Variants in SUPT3H observed in about 807,000 individuals in gnomAD.
SUPT3H encodes transcription initiation protein SPT3 homolog.
In SUPT3H, 44 loss-of-function variants were observed where a neutral mutation model predicts 44.3. The observed-to-expected ratio is 0.99, with a 90% confidence interval of 0.78 to 1.28. SUPT3H has a LOEUF of 1.28. Ranked by LOEUF, SUPT3H falls within the 50% of genes most tolerant of loss-of-function variation. The pLI is 0.00. For missense variants in SUPT3H, 380 were observed against 387.1 expected, an observed-to-expected ratio of 0.98 and a Z score of 0.15; for synonymous variants, 124 against 125.6, an observed-to-expected ratio of 0.99 and a Z score of 0.09.
At position 45,340,643 on chromosome 6, in the gene SUPT3H, GAA is replaced by G. The variant is rs776564679; in HGVS notation, c.101+24556_101+24557del. ...CTGGCCTTTAGGTCGAGTTTGATCAGAAAAAAAAAGTTTCAAGGAATTAGATA... is the reference window on the plus strand; with the variant it reads ...CTGGCCTTTAGGTCGAGTTTGATCAGAAAAAAAGTTTCAAGGAATTAGATA... On this transcript the variant is annotated intron_variant, in intron 2 of 10. Transcript: ENST00000371459. Among the ~76,000 whole-genome samples, 3 of 149,566 alleles carry G rather than the reference GAA, an allele frequency of 2.0e-5. No homozygotes were observed. In the East Asian group the frequency reaches 5.9e-4, roughly 29 times the overall value.
At chr6:44,893,987 T>G (rs1433278781) in intron 10 of SUPT3H, among the ~76,000 whole-genome samples, 10 of 141,320 alleles carry the variant, frequency 7.1e-5, no homozygotes, top group East Asian at 2.1e-4. Context: ...GGTGAGCATT[T>G]TTTCATGTGT....
chr6:45,176,545 A>G (rs1420651354), intron 2 of SUPT3H, among the ~76,000 whole-genome samples: 6 of 152,074 alleles, frequency 3.9e-5, no homozygotes, highest in East Asian at 1.9e-4. Flanking sequence ...CAAAGCAGCC[A>G]GGAAGCTCGA....
chr6:44,887,434 C>T (rs1762504639), intron 10 of SUPT3H, among the ~76,000 whole-genome samples: 1 of 152,164 alleles, frequency 6.6e-6, no homozygotes, highest in Non-Finnish European at 1.5e-5. Flanking sequence ...GACCACAGTG[C>T]AATCAAACTA....
chr6:45,193,642 G>A (rs1271030523), intron 2 of SUPT3H, among the ~76,000 whole-genome samples: 1 of 152,096 alleles, frequency 6.6e-6, no homozygotes, highest in Non-Finnish European at 1.5e-5. Flanking sequence ...CTTGAACCCG[G>A]GAGGCAGGGT....
At chr6:45,175,156 G>C (rs1490377095) in intron 2 of SUPT3H, among the ~76,000 whole-genome samples, 2 of 149,270 alleles carry the variant, frequency 1.3e-5, no homozygotes, top group Non-Finnish European at 3.0e-5. Context: ...TTATTTGTTT[G>C]TATATATATA....
chr6:44,872,662 T>C (rs1034735405), intron 10 of SUPT3H, among the ~76,000 whole-genome samples: 2 of 114,478 alleles, frequency 1.7e-5, no homozygotes, highest in African/African-American at 6.2e-5. Context: ...TAACTTTAAA[T>C]ATAAATGGAC....
At chr6:45,186,893 C>T (rs1814303060) in intron 2 of SUPT3H, among the ~76,000 whole-genome samples, 1 of 152,004 alleles carries the variant, frequency 6.6e-6, no homozygotes, top group Non-Finnish European at 1.5e-5. Context: ...TATGTTCCCT[C>T]CGGTTTATTA....
chr6:45,328,853 T>C (rs1786892070), intron 2 of SUPT3H: 1 of 1,489,070 alleles, frequency 6.7e-7, no homozygotes, highest in Middle Eastern at 1.7e-4. Context: ...GATTCTTTGA[T>C]AAACTGCTAG....
chr6:44,907,247 C>A (rs144653771), intron 10 of SUPT3H, among the ~76,000 whole-genome samples: 2 of 152,060 alleles, frequency 1.3e-5, no homozygotes, highest in African/African-American at 4.8e-5. Context: ...ACCTCCTTTA[C>A]GGGGGAATAA....
intron 8 of SUPT3H, among the ~76,000 whole-genome samples, chr6:44,954,001 G>A (rs180761792): frequency 7.9e-5 from 12 of 152,248 alleles, no homozygotes; most frequent in Admixed American, 7.8e-4. Context: ...GCCTCCCAAA[G>A]TGTTGGGATT....
intron 6 of SUPT3H, among the ~76,000 whole-genome samples, chr6:44,984,012 G>A (rs1245241977): frequency 6.6e-6 from 1 of 152,080 alleles, no homozygotes. Flanking sequence ...CATATATATG[G>A]CATATTATGA....
intron 10 of SUPT3H, among the ~76,000 whole-genome samples, chr6:44,877,349 G>A (rs1229420124): frequency 6.6e-6 from 1 of 151,698 alleles, no homozygotes; most frequent in Non-Finnish European, 1.5e-5. Flanking sequence ...CATGCCTGTA[G>A]TCCTAGCTAC....
chr6:45,046,315 A>G (rs1404446815), intron 3 of SUPT3H, among the ~76,000 whole-genome samples: 1 of 150,742 alleles, frequency 6.6e-6, no homozygotes, highest in East Asian at 1.9e-4. Flanking sequence ...TCATTACCAC[A>G]CTGCTTGTTT....
At chr6:45,199,155 TA>T (rs1816579775) in intron 2 of SUPT3H, among the ~76,000 whole-genome samples, 2 of 151,304 alleles carry the variant, frequency 1.3e-5, no homozygotes, top group Admixed American at 1.3e-4. Context: ...AAAATACACC[TA>T]TTTCTTAAGA....
intron 1 of SUPT3H, among the ~76,000 whole-genome samples, chr6:45,372,396 G>A (rs2150314439): frequency 6.6e-6 from 1 of 152,266 alleles, no homozygotes; most frequent in South Asian, 2.1e-4. Flanking sequence ...AAAGATTACT[G>A]TTAAACATGT....
At chr6:45,311,963 G>A (rs1055455493) in intron 2 of SUPT3H, among the ~76,000 whole-genome samples, 7 of 152,036 alleles carry the variant, frequency 4.6e-5, no homozygotes, top group Admixed American at 3.3e-4. Context: ...TGAATGCAAG[G>A]GTACCTCACA....
intron 3 of SUPT3H, among the ~76,000 whole-genome samples, chr6:45,072,015 T>C (rs1373511758): frequency 1.3e-5 from 2 of 152,186 alleles, no homozygotes; most frequent in East Asian, 1.9e-4. Context: ...TATGACAATA[T>C]GCTTTAATAT....
At chr6:45,253,156 A>C (rs1005276746) in intron 2 of SUPT3H, among the ~76,000 whole-genome samples, 1 of 152,180 alleles carries the variant, frequency 6.6e-6, no homozygotes, top group Non-Finnish European at 1.5e-5. Flanking sequence ...TCAAATAATA[A>C]ACTAAAAATT....
At chr6:44,864,383 C>T (rs568803881) in intron 10 of SUPT3H, among the ~76,000 whole-genome samples, 3 of 152,344 alleles carry the variant, frequency 2.0e-5, no homozygotes, top group South Asian at 2.1e-4. Context: ...CTTCTCACAG[C>T]TCCACTAGGT....
Sources: gnomAD v4.1 joint callset for allele counts (sites outside exome capture counted in the v4.1 genomes callset) on GRCh38, gnomAD v4.1.1 for gene constraint, MANE v1.5 for transcripts, NCBI Gene and HGNC (gene_info 2026-07-23, HGNC 2026-07-21) for gene names.